COL14A1: variants seen among roughly 807,000 people sequenced by gnomAD.
COL14A1 encodes collagen type XIV alpha 1 chain, also known as collagen alpha-1(XIV) chain.
In COL14A1, 136 loss-of-function variants were observed where a neutral mutation model predicts 230.3. The ratio of observed to expected loss-of-function variants is 0.59; its 90% CI spans 0.51 to 0.68. The LOEUF (loss-of-function observed/expected upper bound fraction) is 0.68, where lower values mean the gene tolerates loss of function less well. Ranked by LOEUF, COL14A1 falls within the 30% of genes least tolerant of loss-of-function variation. COL14A1 has a pLI of 0.00. For synonymous variants in COL14A1, 792 were observed against 784.1 expected, an observed-to-expected ratio of 1.01 and a Z score of -0.17; for missense variants, 1,976 against 2,215.8, an observed-to-expected ratio of 0.89 and a Z score of 2.17.
chr8:120,342,950 A>G (rs929565864), intron 44 of COL14A1, among the ~76,000 whole-genome samples: 10 of 152,234 alleles, frequency 6.6e-5, no homozygotes, highest in Non-Finnish European at 1.3e-4. Flanking sequence ...TAAGATGTTT[A>G]TGAAAATACA....
At chr8:120,308,548 G>A (rs1776502450) in intron 36 of COL14A1, among the ~76,000 whole-genome samples, 1 of 152,296 alleles carries the variant, frequency 6.6e-6, no homozygotes, top group Middle Eastern at 3.4e-3. Context: ...ATTTTGTATA[G>A]ATATAGATGC....
intron 1 of COL14A1, among the ~76,000 whole-genome samples, chr8:120,145,034 A>G (rs1012131476): frequency 2.0e-5 from 3 of 152,226 alleles, no homozygotes; most frequent in South Asian, 2.1e-4. Context: ...TAAAATTAAC[A>G]TATAAAGAGT....
chr8:120,363,715 A>G (rs531784189), intron 45 of COL14A1, among the ~76,000 whole-genome samples: 4 of 152,248 alleles, frequency 2.6e-5, no homozygotes, highest in Non-Finnish European at 5.9e-5. Flanking sequence ...AGTAAGGCAC[A>G]GCTCCAGCAG....
At chr8:120,157,119 T>A (rs938425505) in intron 2 of COL14A1, among the ~76,000 whole-genome samples, 6 of 152,138 alleles carry the variant, frequency 3.9e-5, no homozygotes, top group Admixed American at 3.9e-4. Context: ...GAAGTTTGAA[T>A]GACCTACACA....
rs112132671 is a variant in COL14A1 at position 120,272,078 on chromosome 8, G to A, written c.3213+1904G>A. Among the ~76,000 whole-genome samples the A allele has an allele frequency of 3.0e-3, 450 of 151,640 alleles. 2 individuals are homozygous for A. Among genetic ancestry groups the A allele is most frequent in the Middle Eastern group, 0.01 (3 of 294 alleles). On this transcript the variant is annotated intron_variant, in intron 26 of 47. Transcript: ENST00000297848. ...AGAAAATGTGGGCACAAGAAGTACC[G>A]TAAGAGGATAATGGATATTTTGCAG...
At chr8:120,136,959 C>CAAA (rs34417716) in intron 1 of COL14A1, among the ~76,000 whole-genome samples, 738 of 62,888 alleles carry the variant, frequency 0.012, 18 homozygotes, top group Non-Finnish European at 0.015. Context: ...GAGTCTGTCT[C>CAAA]AAAAAAAAAA....
chr8:120,355,616 T>C (rs1339617968), intron 45 of COL14A1, among the ~76,000 whole-genome samples: 1 of 152,092 alleles, frequency 6.6e-6, no homozygotes, highest in Non-Finnish European at 1.5e-5. Flanking sequence ...TTTCACCATG[T>C]AGGCCAGGCT....
intron 45 of COL14A1, among the ~76,000 whole-genome samples, chr8:120,349,834 T>G (rs1822677428): frequency 6.9e-6 from 1 of 144,450 alleles, no homozygotes; most frequent in South Asian, 2.3e-4. Context: ...CCAGGAGAAC[T>G]TCCCCAATCT....
At position 120,280,094 on chromosome 8, in the gene COL14A1, C is replaced by T; in HGVS notation, c.3641C>T (p.Ser1214Leu). 13 of 1,613,598 alleles carry T rather than the reference C, an allele frequency of 8.1e-6. No individual in the cohort carries two copies. Among genetic ancestry groups the T allele is most frequent in the Non-Finnish European group, 1.1e-5 (13 of 1,179,686 alleles). Reference protein sequence around the residue: ...ELITFVCETASATCPVVHKDG... With the variant: ...ELITFVCETALATCPVVHKDG... ...ATTACTTTTGTCTGCGAAACAGCAT[C>T]AGCAAGTTAGTTCTTTGGAATTTGT... Residue 1214 changes from serine (S) to leucine (L), a missense_variant, in exon 29 of 48, where the codon TCA becomes TTA. Physicochemically the swap from Ser to Leu is moderately radical, Grantham distance 145 (BLOSUM62 -2). Around this residue, in one of 3 missense-constraint regions of COL14A1, gnomAD observed 1,791 missense variants for 2,019.5 expected, o/e 0.89. Transcript: ENST00000297848.
At chr8:120,253,321 A>G (rs1819035881) in intron 22 of COL14A1, among the ~76,000 whole-genome samples, 1 of 151,872 alleles carries the variant, frequency 6.6e-6, no homozygotes, top group Non-Finnish European at 1.5e-5. Context: ...GTGATTTTTT[A>G]CTGGTCTCTC....
intron 45 of COL14A1, among the ~76,000 whole-genome samples, chr8:120,359,106 C>T (rs1470155890): frequency 1.3e-5 from 2 of 151,552 alleles, no homozygotes; most frequent in East Asian, 1.9e-4. Flanking sequence ...ATGTGCTGAA[C>T]GTGCAGGTTT....
chr8:120,232,552 A>G (rs1369311765), intron 19 of COL14A1, among the ~76,000 whole-genome samples: 7 of 152,178 alleles, frequency 4.6e-5, no homozygotes, highest in Admixed American at 4.6e-4. Flanking sequence ...TTTGCAGAGA[A>G]TGATGGTTTC....
intron 23 of COL14A1, 38 bp from the exon 24 acceptor site, chr8:120,262,830 T>C: frequency 6.3e-7 from 1 of 1,579,564 alleles, no homozygotes; most frequent in Non-Finnish European, 8.6e-7. Flanking sequence ...AAAAATTTCA[T>C]ATGTGTGTGT....
intron 19 of COL14A1, among the ~76,000 whole-genome samples, chr8:120,242,464 G>A (rs886266946): frequency 6.6e-6 from 1 of 152,164 alleles, no homozygotes; most frequent in African/African-American, 2.4e-5. Flanking sequence ...CAACATGGGT[G>A]GTTTGTTAGA....
chr8:120,355,887 T>C (rs1431729373), intron 45 of COL14A1, among the ~76,000 whole-genome samples: 1 of 152,228 alleles, frequency 6.6e-6, no homozygotes, highest in Non-Finnish European at 1.5e-5. Context: ...ATAGAATAAG[T>C]CAGCAAATAT....
In COL14A1 at chr8:120,359,207, C is replaced by T. The variant is rs190042448; in HGVS notation, c.5078-7964C>T. ...TCCCCGCATGCATTAGATATTTGTC[C>T]TAATGCTCTCCGTCCCCTTTCCCCC... On this transcript the variant is annotated intron_variant, in intron 45 of 47. Coordinates refer to ENST00000297848, the MANE Select transcript of COL14A1 (RefSeq NM_021110.4). Among the ~76,000 whole-genome samples the T allele has an allele frequency of 5.3e-3, 801 of 152,162 alleles. 5 individuals carry two copies. The highest frequency in any genetic ancestry group is 0.014 in the Middle Eastern group (4 of 294).
intron 8 of COL14A1, among the ~76,000 whole-genome samples, chr8:120,201,214 G>GA (rs1225385119): frequency 1.3e-5 from 2 of 151,924 alleles, no homozygotes; most frequent in African/African-American, 2.4e-5. Flanking sequence ...GACATCCAGG[G>GA]AAAAAATTAA....
intron 2 of COL14A1, 22 bp downstream of exon 2, chr8:120,147,952 C>T: frequency 6.6e-7 from 1 of 1,526,690 alleles, no homozygotes; most frequent in Non-Finnish European, 9.1e-7. Context: ...CTTTGAGAAT[C>T]AGTAGGGTCT....
intron 5 of COL14A1, among the ~76,000 whole-genome samples, chr8:120,168,731 G>A (rs1365631041): frequency 2.0e-5 from 3 of 152,148 alleles, no homozygotes; most frequent in Non-Finnish European, 2.9e-5. Flanking sequence ...GTTGATATGT[G>A]TAAAATACTT....
Sources: allele counts gnomAD v4.1 joint callset (sites outside exome capture counted in the v4.1 genomes callset), GRCh38; gene constraint gnomAD v4.1.1; regional missense constraint gnomAD v4.1.1; transcripts MANE v1.5; gene names NCBI Gene and HGNC (gene_info 2026-07-23, HGNC 2026-07-21).